CDH12: variants seen among roughly 807,000 people sequenced by gnomAD.
The protein encoded by CDH12 is cadherin 12.
CDH12 carries 41 observed loss-of-function variants against 74.1 expected under a neutral mutation model. The observed-to-expected ratio is 0.55, with a 90% CI of 0.43 to 0.72. CDH12 has a LOEUF of 0.72. Among genes scored for constraint, CDH12 ranks in the 30% least tolerant of loss-of-function variants. The probability of loss-of-function intolerance (pLI) is 0.00; values close to 1 mark genes in which losing one functional copy is unlikely to be tolerated. For synonymous variants in CDH12, 399 were observed against 355.0 expected, an observed-to-expected ratio of 1.12 and a Z score of -1.39; for missense variants, 945 against 977.2, an observed-to-expected ratio of 0.97 and a Z score of 0.44.
At chr5:22,274,564 T>C (rs1274178848) in intron 3 of CDH12, among the ~76,000 whole-genome samples, 1 of 152,022 alleles carries the variant, frequency 6.6e-6, no homozygotes, top group Non-Finnish European at 1.5e-5. Context: ...GTGTGTATCA[T>C]TTTGACTCTT....
intron 2 of CDH12, among the ~76,000 whole-genome samples, chr5:22,444,679 A>T (rs899581776): frequency 2.6e-5 from 4 of 152,050 alleles, no homozygotes; most frequent in African/African-American, 9.7e-5. Flanking sequence ...CATTTACTGC[A>T]GTTGCTGAAC....
intron 3 of CDH12, chr5:22,213,500 G>A (rs1283364051): frequency 6.6e-6 from 1 of 152,198 alleles, no homozygotes; most frequent in African/African-American, 2.4e-5. Flanking sequence ...GCAAGCATAT[G>A]AGAGGATCGA....
At chr5:22,441,513 T>C (rs1561406779) in intron 2 of CDH12, among the ~76,000 whole-genome samples, 1 of 152,122 alleles carries the variant, frequency 6.6e-6, no homozygotes, top group African/African-American at 2.4e-5. Flanking sequence ...AAGTTTTAAT[T>C]AAGGCCATGG....
intron 1 of CDH12, among the ~76,000 whole-genome samples, chr5:22,525,159 A>G (rs925436553): frequency 5.9e-5 from 9 of 152,116 alleles, no homozygotes; most frequent in African/African-American, 1.9e-4. Flanking sequence ...TTATGGCTGC[A>G]TAGTATTCCA....
intron 7 of CDH12, among the ~76,000 whole-genome samples, chr5:21,850,572 A>G (rs1305502386): frequency 2.6e-5 from 4 of 151,642 alleles, no homozygotes; most frequent in African/African-American, 7.2e-5. Context: ...TAACACCAAC[A>G]TATTTTAGAA....
chr5:22,756,019 A>G (rs1745880461), intron 1 of CDH12, among the ~76,000 whole-genome samples: 1 of 150,920 alleles, frequency 6.6e-6, no homozygotes, highest in African/African-American at 2.4e-5. Context: ...GATGCTGTAA[A>G]TCTCCCCTGA....
intron 5 of CDH12, among the ~76,000 whole-genome samples, chr5:22,017,246 CA>C (rs1737664165): frequency 6.6e-6 from 1 of 151,986 alleles, no homozygotes; most frequent in African/African-American, 2.4e-5. Context: ...AAAAACAGCT[CA>C]AAAAGACTGT....
In CDH12 at chr5:22,104,207, C is replaced by A. The variant is rs187497796; in HGVS notation, c.-186-25345G>T. Among the ~76,000 whole-genome samples the A allele has an allele frequency of 5.9e-3, 895 of 152,208 alleles. 8 individuals are homozygous for A. The highest frequency in any genetic ancestry group is 0.02 in the African/African-American group (845 of 41,536). On this transcript the variant is annotated intron_variant, in intron 4 of 14. Transcript: ENST00000382254. ...TATACCATACAAAATAAATATTTAT[C>A]TGTTATAGCCATAATGTATTAGAAA...
At chr5:22,622,110 A>G (rs1341889827) in intron 1 of CDH12, among the ~76,000 whole-genome samples, 1 of 152,134 alleles carries the variant, frequency 6.6e-6, no homozygotes, top group Non-Finnish European at 1.5e-5. Context: ...ATTACAAATC[A>G]ATCTGAAAAT....
At chr5:22,091,197 G>GTATA (rs144921991) in intron 4 of CDH12, among the ~76,000 whole-genome samples, 1,664 of 132,206 alleles carry the variant, frequency 0.013, 13 homozygotes, top group South Asian at 0.049. Flanking sequence ...GTGTGTGTGT[G>GTATA]TATATATATA....
chr5:22,706,842 G>T (rs1743032491), intron 1 of CDH12, among the ~76,000 whole-genome samples: 1 of 152,052 alleles, frequency 6.6e-6, no homozygotes, highest in Non-Finnish European at 1.5e-5. Flanking sequence ...TTAAATAAAT[G>T]GTCTCATAAT....
chr5:22,736,731 C>A (rs1744750843), intron 1 of CDH12, among the ~76,000 whole-genome samples: 2 of 151,860 alleles, frequency 1.3e-5, no homozygotes, highest in South Asian at 4.1e-4. Context: ...CACACACACA[C>A]ACAAAAAGCC....
At chr5:22,244,788 GAAA>G (rs1561251325) in intron 3 of CDH12, among the ~76,000 whole-genome samples, 1 of 131,274 alleles carries the variant, frequency 7.6e-6, no homozygotes, top group Non-Finnish European at 1.7e-5. Flanking sequence ...AAGAAAGAAA[GAAA>G]GAAAGAAAGA....
At chr5:21,798,554 A>G (rs1387405291) in intron 10 of CDH12, among the ~76,000 whole-genome samples, 1 of 152,090 alleles carries the variant, frequency 6.6e-6, no homozygotes, top group Non-Finnish European at 1.5e-5. Flanking sequence ...CAAAATTCAT[A>G]TGTTGAAATC....
intron 1 of CDH12, among the ~76,000 whole-genome samples, chr5:22,815,198 C>T (rs1749327991): frequency 6.6e-6 from 1 of 151,982 alleles, no homozygotes. Context: ...ACAAGTGAAG[C>T]AGGTTGCACA....
chr5:22,445,717 C>T (rs1744791564), intron 2 of CDH12, among the ~76,000 whole-genome samples: 1 of 152,036 alleles, frequency 6.6e-6, no homozygotes, highest in Non-Finnish European at 1.5e-5. Context: ...GAAAGTTTTC[C>T]TTTCACTGCC....
At chr5:22,509,190 G>T (rs939650884) in intron 1 of CDH12, among the ~76,000 whole-genome samples, 1 of 152,060 alleles carries the variant, frequency 6.6e-6, no homozygotes, top group Non-Finnish European at 1.5e-5. Context: ...TTAGAGAGAT[G>T]GATAGATGTT....
chr5:22,391,245 G>A (rs1742235982), intron 3 of CDH12, among the ~76,000 whole-genome samples: 2 of 152,134 alleles, frequency 1.3e-5, no homozygotes, highest in African/African-American at 4.8e-5. Context: ...GGATACACAT[G>A]GAACTCTGGG....
chr5:22,675,499 A>T (rs1363031612), intron 1 of CDH12, among the ~76,000 whole-genome samples: 2 of 152,146 alleles, frequency 1.3e-5, no homozygotes, highest in African/African-American at 2.4e-5. Context: ...AGGCTCATAG[A>T]CAGAAGGGAC....
Sources: gnomAD v4.1 joint callset for allele counts (sites outside exome capture counted in the v4.1 genomes callset) on GRCh38, gnomAD v4.1.1 for gene constraint, MANE v1.5 for transcripts, NCBI Gene and HGNC (gene_info 2026-07-23, HGNC 2026-07-21) for gene names.